The following DBR1 variants were observed in gnomAD, a reference collection of about 807,000 sequenced individuals.
DBR1 encodes the protein lariat debranching enzyme.
A neutral mutation model predicts 45.9 loss-of-function variants in DBR1; 33 were observed. The observed-to-expected ratio is 0.72, with a 90% confidence interval of 0.55 to 0.96. The LOEUF (loss-of-function observed/expected upper bound fraction) is 0.96. Ranked by LOEUF, DBR1 falls within the 40% of genes least tolerant of loss-of-function variation. The pLI, the probability that DBR1 is intolerant of heterozygous loss-of-function variation, is 0.00. For missense variants in DBR1, 619 were observed against 667.4 expected (o/e 0.93, Z 0.80); for synonymous variants, 235 against 235.9 (o/e 1.00, Z 0.04).
chr3:138,170,558 T>C (rs986678290), intron 3 of DBR1, among the ~76,000 whole-genome samples: 2 of 152,144 alleles, frequency 1.3e-5, no homozygotes, highest in African/African-American at 2.4e-5. Flanking sequence ...TGAGATAAAA[T>C]AGAAAAACCT....
Position 138,167,311 on chromosome 3 carries a change from A to T in DBR1, c.490-6T>A, listed in dbSNP as rs781590003. On this transcript the variant is annotated splice_polypyrimidine_tract_variant and splice_region_variant and intron_variant, in intron 4 of 7. Transcript: ENST00000260803. Reference sequence around the variant, plus strand: ...ATATCTATAGGCTGCTTCAGCTTTCAAAAGAGAAAAAGAGAAAGAAAGAAA... The same window carrying T: ...ATATCTATAGGCTGCTTCAGCTTTCTAAAGAGAAAAAGAGAAAGAAAGAAA... 1.9e-6 allele frequency: 3 copies of T among 1,560,902 alleles called. No homozygotes were observed.
rs2042970379 is a variant in DBR1 at position 138,174,612 on chromosome 3, G to T, written c.184C>A (p.Gln62Lys). The T allele has an allele frequency of 6.6e-7, 1 of 1,510,734 alleles. No homozygotes were observed. The highest frequency in any genetic ancestry group is 9.0e-7 in the Non-Finnish European group (1 of 1,112,828). The allele number at this position is 1,510,734 out of a possible 1,614,324, so 93.6% of individuals were successfully genotyped here. ...MAVPPKYRHM[Q>K]TFYRYYSGEK... ...CCGCGTCCTCACCTGTAGAAGGTTT[G>T]CATGTGACGATACTTGGGCGGCACG... Residue 62 changes from glutamine (Q) to lysine (K), a missense_variant, in exon 1 of 8, where the codon CAA becomes AAA. By Grantham distance (53) the Gln-to-Lys change is moderately conservative (BLOSUM62 1). Around this residue, in one of 3 missense-constraint regions of DBR1, gnomAD observed 430 missense variants for 447.7 expected, o/e 0.96. Transcript: ENST00000260803.
chr3:138,174,861 T>C lies in DBR1; in HGVS notation c.-66A>G. 6.7e-7 allele frequency: 1 copy of C among 1,502,510 alleles called. No homozygotes were observed. Among genetic ancestry groups the C allele is most frequent in the Non-Finnish European group, 9.0e-7 (1 of 1,108,086 alleles). The allele number at this position is 1,502,510 out of a possible 1,614,324, so 93.1% of individuals were successfully genotyped here. A position where few individuals can be genotyped will look rare whatever the true frequency, so the allele number is the denominator to read the frequency against. On this transcript the variant is annotated 5_prime_UTR_variant, in exon 1 of 8. Coordinates refer to ENST00000260803, the MANE Select transcript of DBR1 (RefSeq NM_016216.4). ...ACACCACAGCCAGCCCAGGACCGAC[T>C]GATCGCTCAGCTCCCGCCAACTTTA...
intron 4 of DBR1, 84 bp downstream of exon 4, chr3:138,170,023 G>C (rs2042947364): frequency 1.2e-6 from 1 of 844,236 alleles, no homozygotes; most frequent in South Asian, 1.5e-5. Context: ...CTTGAAAGTA[G>C]TATACCAATA....
At chr3:138,166,271 C>T (rs2042930089) in intron 5 of DBR1, among the ~76,000 whole-genome samples, 1 of 152,284 alleles carries the variant, frequency 6.6e-6, no homozygotes, top group South Asian at 2.1e-4. Flanking sequence ...ATGCATACTT[C>T]CATAGAAGTT....
chr3:138,166,976 G>T, intron 5 of DBR1, 105 bp downstream of exon 5: 2 of 975,998 alleles, frequency 2.0e-6, no homozygotes, highest in Non-Finnish European at 1.6e-6. Flanking sequence ...CTACTCACAA[G>T]AGGTAAGTTA....
Position 138,174,634 on chromosome 3 carries a change from C to G in DBR1, c.162G>C (p.Val54=). The change falls in exon 1 of 8, where the codon GTG becomes GTC. Residue 54 remains valine, a synonymous_variant. Coordinates refer to ENST00000260803, the MANE Select transcript of DBR1 (RefSeq NM_016216.4). ...TTTGCATGTGACGATACTTGGGCGG[C>G]ACGGCCATGCAGCGTAGATCCGCCT... ...RNEADLRCMA[V]PPKYRHMQTF... is the part of the protein sequence containing the mutation. The G allele has an allele frequency of 6.2e-7, 1 of 1,604,046 alleles. No individual in the cohort carries two copies. The highest frequency in any genetic ancestry group is 8.5e-7 in the Non-Finnish European group (1 of 1,173,172).
intron 3 of DBR1, among the ~76,000 whole-genome samples, chr3:138,171,016 A>G (rs1163259495): frequency 1.3e-5 from 2 of 152,224 alleles, no homozygotes; most frequent in African/African-American, 4.8e-5. Flanking sequence ...TGTGGTAATG[A>G]TGTAAAATAA....
At chr3:138,170,908 A>C (rs2042950727) in intron 3 of DBR1, among the ~76,000 whole-genome samples, 1 of 152,388 alleles carries the variant, frequency 6.6e-6, no homozygotes, top group Non-Finnish European at 1.5e-5. Context: ...CAGACTTCAA[A>C]GCATGTTAAA....
Position 138,162,140 on chromosome 3 carries a change from AAAACT to A in DBR1, c.1379_1383del (p.Glu460ValfsTer6). The A allele has an allele frequency of 6.2e-7, 1 of 1,614,220 alleles. No individual in the cohort carries two copies. Among genetic ancestry groups the A allele is most frequent in the East Asian group, 2.2e-5 (1 of 44,880 alleles). ...ATCCTGACATCAGAGAAACTTGCAGAAAACTCAGAAGCTTGATCAGAAGGTTCTAC... is the reference window on the plus strand; with the variant it reads ...ATCCTGACATCAGAGAAACTTGCAGACAGAAGCTTGATCAGAAGGTTCTAC... On this transcript the variant is annotated frameshift_variant, in exon 8 of 8. Transcript: ENST00000260803. LOFTEE classifies it high-confidence loss of function.
chr3:138,166,693 G>A (rs1576533489), intron 5 of DBR1, among the ~76,000 whole-genome samples: 1 of 152,088 alleles, frequency 6.6e-6, no homozygotes, highest in East Asian at 1.9e-4. Context: ...TAGTCCCACA[G>A]GAACTACCTA....
Position 138,162,399 on chromosome 3 carries a change from G to A in DBR1, c.1125C>T (p.Gly375=). The change falls in exon 8 of 8, where the codon GGC becomes GGT. Residue 375 remains glycine (G), a synonymous_variant. Transcript: ENST00000260803. The part of the protein sequence containing the change: ...PQTTEFCAQL[G]IIDINVRLQK... ...GAAGCCTAACATTGATGTCTATGAT[G>A]CCAAGTTGGGCACAAAATTCAGTTG... 1.2e-6 allele frequency: 2 copies of A among 1,614,088 alleles called. No homozygotes were observed. The highest frequency in any genetic ancestry group is 1.7e-6 in the Non-Finnish European group (2 of 1,180,036).
Position 138,174,748 on chromosome 3 carries a change from G to C in DBR1, c.48C>G (p.Ile16Met), listed in dbSNP as rs764703064. 3.2e-5 allele frequency: 52 copies of C among 1,612,680 alleles called. No individual in the cohort carries two copies. Among genetic ancestry groups the C allele is most frequent in the Non-Finnish European group, 4.2e-5 (50 of 1,179,780 alleles). ...GCTCTGCCAGCGCCAGCGTCTCATA[G>C]ATCTTATCCAGCTCGCCGTGGCAGC... Reference protein sequence around the residue: ...AGCCHGELDKIYETLALAERR... With the variant: ...AGCCHGELDKMYETLALAERR... The change falls in exon 1 of 8, where the codon ATC (isoleucine) becomes ATG (methionine). Residue 16 changes from isoleucine to methionine, a missense_variant. Coordinates refer to ENST00000260803, the MANE Select transcript of DBR1 (RefSeq NM_016216.4).
At chr3:138,173,688 C>CA (rs2042965501) in intron 1 of DBR1, 62 bp from the exon 2 acceptor site, 3 of 1,444,722 alleles carry the variant, frequency 2.1e-6, no homozygotes, top group South Asian at 1.4e-5. Context: ...AAATAAGTTC[C>CA]GAAAAAAAAA....
At position 138,162,232 on chromosome 3, in the gene DBR1, A is replaced by G. The variant is rs1301489383; in HGVS notation, c.1292T>C (p.Leu431Ser). Residue 431 changes from leucine to serine, a missense_variant, in exon 8 of 8, where the codon TTA (leucine) becomes TCA (serine). Physicochemically the swap from Leu to Ser is moderately radical, Grantham distance 145 (BLOSUM62 -2). Transcript: ENST00000260803. ...LSSINPDEIM[L>S]DEEEDEDSIV... Reference sequence around the variant, plus strand: ...ACTATCTTCATCTTCTTCTTCATCTAACATTATTTCATCTGGATTAATAGA... The same window carrying G: ...ACTATCTTCATCTTCTTCTTCATCTGACATTATTTCATCTGGATTAATAGA... 6.2e-7 allele frequency: 1 copy of G among 1,614,026 alleles called. No homozygotes were observed.
intron 1 of DBR1, 78 bp downstream of exon 1, chr3:138,174,521 G>A: frequency 2.8e-6 from 4 of 1,419,706 alleles, no homozygotes; most frequent in Non-Finnish European, 3.9e-6. Context: ...CAGGATCTAA[G>A]GGAAACAGGC....
At position 138,174,881 on chromosome 3, in the gene DBR1, A is replaced by G. The variant is rs2042972787; in HGVS notation, c.-86T>C. 8.2e-6 allele frequency: 11 copies of G among 1,349,610 alleles called. No individual in the cohort carries two copies. Among genetic ancestry groups the G allele is most frequent in the Non-Finnish European group, 1.1e-5 (11 of 984,790 alleles). 83.6% of individuals were successfully genotyped at this position (1,349,610 alleles called of 1,614,324 possible). A position where few individuals can be genotyped will look rare whatever the true frequency, so the allele number is the denominator to read the frequency against. Reference sequence around the variant, plus strand: ...CCGACTGATCGCTCAGCTCCCGCCAACTTTAATAAGTATAGCCACCGCCTG... The same window carrying G: ...CCGACTGATCGCTCAGCTCCCGCCAGCTTTAATAAGTATAGCCACCGCCTG... On this transcript the variant is annotated 5_prime_UTR_variant, in exon 1 of 8. Coordinates refer to ENST00000260803, the MANE Select transcript of DBR1 (RefSeq NM_016216.4).
rs1442947111 is a variant in DBR1 at position 138,161,086 on chromosome 3, T to A, written c.*803A>T. The A allele has an allele frequency of 1.3e-5, 2 of 152,116 alleles. No individual in the cohort carries two copies. Among genetic ancestry groups the A allele is most frequent in the Non-Finnish European group, 1.5e-5 (1 of 68,012 alleles). 9.4% of individuals were successfully genotyped at this position (152,116 alleles called of 1,614,324 possible). A position where few individuals can be genotyped will look rare whatever the true frequency, so the allele number is the denominator to read the frequency against. On this transcript the variant is annotated 3_prime_UTR_variant, in exon 8 of 8. Transcript: ENST00000260803. ...ATTTCAATTTTTATTTGACAGATAT[T>A]AAAAGCTGATCAGGAAAAATATTTA...
rs201157607 is a variant in DBR1 at position 138,162,101 on chromosome 3, T to C, written c.1423A>G (p.Met475Val). The change falls in exon 8 of 8, where the codon ATG becomes GTG. Residue 475 changes from methionine (M) to valine (V), a missense_variant. Coordinates refer to ENST00000260803, the MANE Select transcript of DBR1 (RefSeq NM_016216.4). ...FSDVRILPGS[M>V]IVSSDDTVDS... is the part of the protein sequence containing the mutation. ...ACCGTATCATCAGAAGATACAATCA[T>C]AGAGCCTGGCAAGATCCTGACATCA... 1.4e-5 allele frequency: 22 copies of C among 1,614,170 alleles called. No individual in the cohort carries two copies. The highest frequency in any genetic ancestry group is 1.7e-5 in the Admixed American group (1 of 60,014).
Sources: allele counts gnomAD v4.1 joint callset (sites outside exome capture counted in the v4.1 genomes callset), GRCh38; gene constraint gnomAD v4.1.1; regional missense constraint gnomAD v4.1.1; transcripts MANE v1.5; gene names NCBI Gene and HGNC (gene_info 2026-07-23, HGNC 2026-07-21).